TP63: variants seen among roughly 807,000 people sequenced by gnomAD.
TP63 encodes the protein tumor protein p63.
Under a neutral mutation model 82.8 loss-of-function variants are expected in TP63, and 17 were observed. The ratio of observed to expected loss-of-function variants is 0.21; its 90% CI spans 0.14 to 0.31. TP63 has a LOEUF of 0.31. Ranked by LOEUF, TP63 falls within the 10% of genes least tolerant of loss-of-function variation. The pLI, the probability that TP63 is intolerant of heterozygous loss-of-function variation, is 1.00. For synonymous variants in TP63, 330 were observed against 321.7 expected (o/e 1.03, Z -0.28); for missense variants, 648 against 895.3 (o/e 0.72, Z 3.52).
intron 3 of TP63, among the ~76,000 whole-genome samples, chr3:189,783,393 C>T (rs552810337): frequency 1.2e-4 from 18 of 151,910 alleles, no homozygotes; most frequent in African/African-American, 3.6e-4. Context: ...ATGGTGTCTA[C>T]GTGTAGTTTC....
intron 3 of TP63, among the ~76,000 whole-genome samples, chr3:189,781,666 G>A (rs1724246411): frequency 6.6e-6 from 1 of 151,954 alleles, no homozygotes; most frequent in Non-Finnish European, 1.5e-5. Flanking sequence ...TCAAAATACA[G>A]CCTCCAGAAA....
chr3:189,880,038 T>G (rs747937692), intron 10 of TP63: 27 of 1,610,490 alleles, frequency 1.7e-5, no homozygotes, highest in Admixed American at 3.4e-5. Context: ...CCTTCATTTT[T>G]TCTTTTCTCT....
rs71175304 is a variant in TP63 at position 189,694,790 on chromosome 3, CTTTTTTTTTTTTTTT to C, written c.63-42931_63-42917del. On this transcript the variant is annotated intron_variant, in intron 1 of 13. Transcript: ENST00000264731. The stretch of plus-strand genomic sequence containing the variant: ...TTGAAAGGAGGCCAGTATTTACAGC[CTTTTTTTTTTTTTTT>C]TTTTTTTTTTTTTTTTTTGAGACAG... 8.9e-4 allele frequency among the ~76,000 whole-genome samples: 29 copies of C among 32,754 alleles called. No homozygotes were observed. In the East Asian group the frequency reaches 0.021, roughly 23 times the overall value. 21.5% of individuals were successfully genotyped at this position (32,754 alleles called of 152,430 possible).
chr3:189,872,119 A>G (rs1304291232), intron 9 of TP63, among the ~76,000 whole-genome samples: 1 of 152,186 alleles, frequency 6.6e-6, no homozygotes, highest in Non-Finnish European at 1.5e-5. Flanking sequence ...CCTATCAAAC[A>G]TAGTTACAAT....
chr3:189,651,681 A>G (rs915234917), intron 1 of TP63, among the ~76,000 whole-genome samples: 3 of 146,674 alleles, frequency 2.0e-5, no homozygotes, highest in Non-Finnish European at 4.5e-5. Flanking sequence ...AAATGTCTCC[A>G]GGGCACATCA....
chr3:189,741,149 G>A (rs1720952952), intron 3 of TP63, among the ~76,000 whole-genome samples: 1 of 151,572 alleles, frequency 6.6e-6, no homozygotes, highest in Non-Finnish European at 1.5e-5. Context: ...TAAAGGTAGA[G>A]TGAGAAAGAA....
intron 4 of TP63, among the ~76,000 whole-genome samples, chr3:189,856,026 G>A (rs1033087712): frequency 6.6e-6 from 1 of 151,658 alleles, no homozygotes; most frequent in African/African-American, 2.4e-5. Context: ...AATACAATGG[G>A]CTGGCATAAT....
At chr3:189,724,767 A>G (rs1454844368) in intron 1 of TP63, among the ~76,000 whole-genome samples, 1 of 152,192 alleles carries the variant, frequency 6.6e-6, no homozygotes, top group Non-Finnish European at 1.5e-5. Context: ...CACAAGCATT[A>G]TGGTTATGGA....
intron 10 of TP63, among the ~76,000 whole-genome samples, chr3:189,877,525 A>G (rs574198941): frequency 1.1e-4 from 17 of 152,282 alleles, no homozygotes. Context: ...CTGGAAATTT[A>G]TTTTTGAGCT....
chr3:189,790,160 G>C (rs979833088), intron 3 of TP63, among the ~76,000 whole-genome samples: 7 of 152,028 alleles, frequency 4.6e-5, no homozygotes, highest in Non-Finnish European at 8.8e-5. Context: ...CACTCTGCTA[G>C]ATACATTGCA....
chr3:189,656,873 C>G (rs897695691), intron 1 of TP63, among the ~76,000 whole-genome samples: 5 of 151,938 alleles, frequency 3.3e-5, no homozygotes, highest in Non-Finnish European at 7.4e-5. Flanking sequence ...AAATAGACAA[C>G]TTTATTATTA....
At chr3:189,756,613 G>A (rs768723347) in intron 3 of TP63, among the ~76,000 whole-genome samples, 27 of 152,316 alleles carry the variant, frequency 1.8e-4, no homozygotes, top group South Asian at 8.3e-4. Flanking sequence ...GGGGCTGTTT[G>A]CCTTTTGCTT....
intron 6 of TP63, 51 bp from the exon 7 acceptor site, chr3:189,867,782 A>G (rs1327316330): frequency 1.1e-5 from 17 of 1,508,076 alleles, no homozygotes; most frequent in Non-Finnish European, 1.6e-5. Flanking sequence ...GAGAAGGAAC[A>G]ACGTCAGTTT....
chr3:189,661,008 A>C (rs925322202), intron 1 of TP63, among the ~76,000 whole-genome samples: 3 of 152,020 alleles, frequency 2.0e-5, no homozygotes, highest in African/African-American at 7.2e-5. Flanking sequence ...TAGGTGTAAA[A>C]TCATATCAGC....
intron 4 of TP63, among the ~76,000 whole-genome samples, chr3:189,843,615 G>T (rs1714461367): frequency 6.6e-6 from 1 of 152,194 alleles, no homozygotes; most frequent in African/African-American, 2.4e-5. Flanking sequence ...ATCTGCGTCT[G>T]CCTGATCATT....
At chr3:189,751,658 G>A (rs1036203793) in intron 3 of TP63, among the ~76,000 whole-genome samples, 2 of 152,070 alleles carry the variant, frequency 1.3e-5, no homozygotes, top group African/African-American at 4.8e-5. Flanking sequence ...CCCACTTTTT[G>A]ATGGGGTTGT....
intron 4 of TP63, among the ~76,000 whole-genome samples, chr3:189,812,686 G>T (rs1421988086): frequency 6.6e-6 from 1 of 152,094 alleles, no homozygotes; most frequent in Non-Finnish European, 1.5e-5. Flanking sequence ...TTATCATGAG[G>T]ATTACTTCAT....
At chr3:189,785,266 T>C (rs1260754893) in intron 3 of TP63, among the ~76,000 whole-genome samples, 2 of 152,038 alleles carry the variant, frequency 1.3e-5, no homozygotes, top group Non-Finnish European at 2.9e-5. Context: ...TAATAAATGC[T>C]TTGGGTAAAT....
intron 1 of TP63, among the ~76,000 whole-genome samples, chr3:189,648,416 T>C (rs976601255): frequency 6.8e-6 from 1 of 147,220 alleles, no homozygotes; most frequent in Admixed American, 6.7e-5. Flanking sequence ...GTGCCCCAAT[T>C]CATCCCAAGC....
Sources: gnomAD v4.1 joint callset for allele counts (sites outside exome capture counted in the v4.1 genomes callset) on GRCh38, gnomAD v4.1.1 for gene constraint, MANE v1.5 for transcripts, NCBI Gene and HGNC (gene_info 2026-07-23, HGNC 2026-07-21) for gene names.